Variants in STRN3 observed in about 807,000 individuals in gnomAD.
The protein encoded by STRN3 is striatin 3, also known as striatin-3.
Under a neutral mutation model 95.6 loss-of-function variants are expected in STRN3, and 29 were observed. The ratio of observed to expected loss-of-function variants is 0.30; its 90% CI spans 0.23 to 0.41. The LOEUF is 0.41. STRN3 is among the 10% of genes least tolerant of loss of function. STRN3 has a pLI of 1.00. For missense variants in STRN3, 890 were observed against 972.1 expected (o/e 0.92, Z 1.12); for synonymous variants, 331 against 357.6 (o/e 0.93, Z 0.84).
At chr14:30,923,905 T>C (rs962000388) in intron 8 of STRN3, among the ~76,000 whole-genome samples, 11 of 152,120 alleles carry the variant, frequency 7.2e-5, no homozygotes, top group African/African-American at 2.2e-4. Context: ...TTTTTAATCA[T>C]TGATTTATAT....
intron 1 of STRN3, among the ~76,000 whole-genome samples, chr14:31,010,802 G>T (rs1463562947): frequency 6.6e-6 from 1 of 152,210 alleles, no homozygotes; most frequent in Non-Finnish European, 1.5e-5. Flanking sequence ...ACTTTGGGAG[G>T]CCAAGGCGGG....
intron 1 of STRN3, among the ~76,000 whole-genome samples, chr14:31,023,891 TAA>T (rs1409727710): frequency 1.5e-5 from 2 of 135,130 alleles, no homozygotes; most frequent in African/African-American, 5.5e-5. Flanking sequence ...CAGTATGAAA[TAA>T]AAAAGAGTCT....
At chr14:31,025,818 G>C in intron 1 of STRN3, 86 bp downstream of exon 1, 1 of 1,522,242 alleles carries the variant, frequency 6.6e-7, no homozygotes, top group Non-Finnish European at 8.8e-7. Flanking sequence ...CAAGGCGCCG[G>C]CTCCGGCTGA....
At chr14:31,024,685 G>A (rs1883700764) in intron 1 of STRN3, among the ~76,000 whole-genome samples, 1 of 152,118 alleles carries the variant, frequency 6.6e-6, no homozygotes, top group Non-Finnish European at 1.5e-5. Context: ...ACCCTTTCTA[G>A]TTAATCCAAT....
intron 1 of STRN3, among the ~76,000 whole-genome samples, chr14:30,969,579 T>A (rs1880722670): frequency 6.6e-6 from 1 of 152,170 alleles, no homozygotes; most frequent in African/African-American, 2.4e-5. Context: ...ATAAAAATCA[T>A]ACAGGAAGCA....
chr14:30,906,654 A>G (rs1164973878), intron 14 of STRN3, among the ~76,000 whole-genome samples: 1 of 152,184 alleles, frequency 6.6e-6, no homozygotes, highest in African/African-American at 2.4e-5. Flanking sequence ...ATAGTTTTAC[A>G]TTTTTAAAAA....
chr14:30,989,133 G>C (rs1212881480), intron 1 of STRN3, among the ~76,000 whole-genome samples: 3 of 152,078 alleles, frequency 2.0e-5, no homozygotes, highest in Non-Finnish European at 4.4e-5. Context: ...AAGTAGTCTG[G>C]TCAAGTTCAA....
chr14:30,945,089 C>A (rs1420231718), intron 5 of STRN3, among the ~76,000 whole-genome samples: 3 of 152,082 alleles, frequency 2.0e-5, no homozygotes, highest in Non-Finnish European at 4.4e-5. Context: ...AGGGTAACGT[C>A]TCATGGTAAA....
intron 1 of STRN3, among the ~76,000 whole-genome samples, chr14:31,005,172 A>G (rs1882657900): frequency 6.6e-6 from 1 of 152,092 alleles, no homozygotes; most frequent in Non-Finnish European, 1.5e-5. Context: ...TCTCTACTAA[A>G]AATACAAAAA....
At chr14:31,020,687 T>A (rs1883463314) in intron 1 of STRN3, among the ~76,000 whole-genome samples, 1 of 152,048 alleles carries the variant, frequency 6.6e-6, no homozygotes, top group South Asian at 2.1e-4. Flanking sequence ...GGTGGGAGAA[T>A]CATTTGAGCC....
At chr14:30,962,853 C>A (rs1038822220) in intron 1 of STRN3, among the ~76,000 whole-genome samples, 6 of 151,812 alleles carry the variant, frequency 4.0e-5, no homozygotes, top group Non-Finnish European at 7.4e-5. Flanking sequence ...TTTTACTATA[C>A]CTTTTCTATG....
intron 1 of STRN3, among the ~76,000 whole-genome samples, chr14:31,005,421 C>G (rs1882670400): frequency 1.3e-5 from 2 of 152,196 alleles, no homozygotes; most frequent in African/African-American, 4.8e-5. Context: ...GTAAATGGCA[C>G]CTTACATAAG....
At chr14:30,957,402 G>C (rs1482989519) in intron 1 of STRN3, among the ~76,000 whole-genome samples, 2 of 147,074 alleles carry the variant, frequency 1.4e-5, no homozygotes, top group Non-Finnish European at 3.0e-5. Flanking sequence ...GCAGTGAGCC[G>C]AGATGGTGCC....
chr14:30,944,503 C>T (rs1351713882), intron 5 of STRN3, among the ~76,000 whole-genome samples: 1 of 145,464 alleles, frequency 6.9e-6, no homozygotes, highest in Non-Finnish European at 1.5e-5. Context: ...CATATATATA[C>T]ATGTATATAT....
At chr14:31,015,466 A>G (rs1014588874) in intron 1 of STRN3, among the ~76,000 whole-genome samples, 2 of 151,252 alleles carry the variant, frequency 1.3e-5, no homozygotes, top group Non-Finnish European at 2.9e-5. Flanking sequence ...TCTGCCTCCC[A>G]GGTACAAGCA....
At chr14:30,956,023 G>A in intron 2 of STRN3, 116 bp downstream of exon 2, 3 of 749,154 alleles carry the variant, frequency 4.0e-6, no homozygotes, top group Non-Finnish European at 6.4e-6. Flanking sequence ...ACAGCATCAT[G>A]TATTCGGGCA....
chr14:30,994,726 T>C (rs1882119278), intron 1 of STRN3, among the ~76,000 whole-genome samples: 1 of 152,256 alleles, frequency 6.6e-6, no homozygotes, highest in South Asian at 2.1e-4. Flanking sequence ...ATGTACCAAC[T>C]GCACCACAAG....
intron 1 of STRN3, among the ~76,000 whole-genome samples, chr14:31,012,014 G>A (rs1183846163): frequency 6.6e-6 from 1 of 152,146 alleles, no homozygotes; most frequent in Non-Finnish European, 1.5e-5. Context: ...TCCAGGAGCC[G>A]GAGGTTGCAG....
At chr14:30,929,335 G>A in intron 7 of STRN3, 24 bp from the exon 8 acceptor site, 1 of 1,595,098 alleles carries the variant, frequency 6.3e-7, no homozygotes, top group Non-Finnish European at 8.6e-7. Context: ...ATTATTAAAA[G>A]AAAAAAAATC....
Sources: gnomAD v4.1 joint callset for allele counts (sites outside exome capture counted in the v4.1 genomes callset) on GRCh38, gnomAD v4.1.1 for gene constraint, MANE v1.5 for transcripts, NCBI Gene and HGNC (gene_info 2026-07-23, HGNC 2026-07-21) for gene names.